Variants in OSBPL10 observed in about 807,000 individuals in gnomAD.
OSBPL10 encodes the protein oxysterol binding protein like 10, also known as oxysterol-binding protein-related protein 10.
In OSBPL10, 49 loss-of-function variants were observed where a neutral mutation model predicts 81.7. That is an observed-to-expected ratio of 0.60 (90% confidence interval 0.48 to 0.76). OSBPL10 has a LOEUF of 0.76. Among genes scored for constraint, OSBPL10 ranks in the 30% least tolerant of loss-of-function variants. The pLI, the probability that OSBPL10 is intolerant of heterozygous loss-of-function variation, is 0.00. For missense variants in OSBPL10, 923 were observed against 987.8 expected (o/e 0.93, Z 0.88); for synonymous variants, 419 against 383.6 (o/e 1.09, Z -1.08).
chr3:31,750,774 T>A (rs1441607599), intron 4 of OSBPL10, among the ~76,000 whole-genome samples: 2 of 152,160 alleles, frequency 1.3e-5, no homozygotes, highest in African/African-American at 4.8e-5. Flanking sequence ...TAAGATTTTA[T>A]TCACCTTAAG....
intron 1 of OSBPL10, among the ~76,000 whole-genome samples, chr3:31,915,905 C>G (rs1159331061): frequency 6.6e-6 from 1 of 151,920 alleles, no homozygotes; most frequent in African/African-American, 2.4e-5. Context: ...ACCAGCCTGA[C>G]CAATACGGCG....
At chr3:31,816,827 T>C (rs534995275) in intron 4 of OSBPL10, among the ~76,000 whole-genome samples, 3 of 152,156 alleles carry the variant, frequency 2.0e-5, no homozygotes, top group Non-Finnish European at 4.4e-5. Flanking sequence ...TTCAGTTCTC[T>C]GCAGAGAGAA....
At chr3:31,886,706 C>G (rs1048292075) in intron 1 of OSBPL10, among the ~76,000 whole-genome samples, 4 of 152,176 alleles carry the variant, frequency 2.6e-5, no homozygotes, top group African/African-American at 4.8e-5. Context: ...CTTTGGGAGG[C>G]TGAGGCGGGC....
intron 3 of OSBPL10, among the ~76,000 whole-genome samples, chr3:31,856,290 A>C (rs1439038427): frequency 6.6e-6 from 1 of 152,202 alleles, no homozygotes; most frequent in Non-Finnish European, 1.5e-5. Context: ...TGTTTTAATA[A>C]AAGCTGTTCT....
chr3:32,035,242 A>G (rs1244193177), intron 2 of OSBPL10, among the ~76,000 whole-genome samples: 1 of 152,176 alleles, frequency 6.6e-6, no homozygotes, highest in East Asian at 1.9e-4. Flanking sequence ...TTATAGAAAA[A>G]ATATAATAAA....
intron 7 of OSBPL10, among the ~76,000 whole-genome samples, chr3:31,692,554 GTAAA>G (rs1226057547): frequency 6.6e-6 from 1 of 151,756 alleles, no homozygotes; most frequent in African/African-American, 2.4e-5. Flanking sequence ...TGACACTTCT[GTAAA>G]CAATCAGTCA....
intron 4 of OSBPL10, among the ~76,000 whole-genome samples, chr3:31,767,540 G>T (rs1324821311): frequency 2.0e-5 from 3 of 151,914 alleles, no homozygotes; most frequent in Non-Finnish European, 4.4e-5. Context: ...CCCTTCCTCA[G>T]TTCTTCATGA....
At chr3:31,951,747 GTATT>G (rs1559529815) in intron 1 of OSBPL10, among the ~76,000 whole-genome samples, 2 of 151,052 alleles carry the variant, frequency 1.3e-5, no homozygotes, top group African/African-American at 4.9e-5. Flanking sequence ...ATTATATGGA[GTATT>G]TATTATTATT....
At chr3:31,804,455 AG>A (rs1377136941) in intron 4 of OSBPL10, among the ~76,000 whole-genome samples, 1 of 152,234 alleles carries the variant, frequency 6.6e-6, no homozygotes, top group African/African-American at 2.4e-5. Flanking sequence ...CCCAGCCTCT[AG>A]GGTAAACAAA....
At position 31,934,239 on chromosome 3, in the gene OSBPL10, C is replaced by T. The variant is rs182474981; in HGVS notation, c.281+46660G>A. On this transcript the variant is annotated intron_variant, in intron 1 of 11. Transcript: ENST00000396556. ...GGTAACAGCTACTCAGGAGGCTGAGCGGGGGAGGATGGCTTGAGCCTAGGA... is the reference window on the plus strand; with the variant it reads ...GGTAACAGCTACTCAGGAGGCTGAGTGGGGGAGGATGGCTTGAGCCTAGGA... 6.0e-3 allele frequency among the ~76,000 whole-genome samples: 911 copies of T among 151,706 alleles called. 5 individuals carry two copies. The highest frequency in any genetic ancestry group is 0.021 in the African/African-American group (874 of 41,328).
intron 4 of OSBPL10, chr3:31,794,727 G>A: frequency 3.4e-6 from 1 of 292,018 alleles, no homozygotes; most frequent in South Asian, 4.5e-5. Flanking sequence ...GGGCAGGGGG[G>A]TCTCCCAAGA....
chr3:31,854,405 C>T (rs1700854394), intron 3 of OSBPL10, among the ~76,000 whole-genome samples: 3 of 152,174 alleles, frequency 2.0e-5, no homozygotes, highest in Admixed American at 2.0e-4. Flanking sequence ...CACTCAGTTC[C>T]TTTGTGGTTA....
At chr3:31,743,973 T>G (rs1454169687) in intron 5 of OSBPL10, among the ~76,000 whole-genome samples, 3 of 152,242 alleles carry the variant, frequency 2.0e-5, no homozygotes, top group Non-Finnish European at 4.4e-5. Context: ...GTATTCTCTA[T>G]TCTCTTATCC....
At chr3:32,056,821 C>T (rs564561577) in intron 1 of OSBPL10, among the ~76,000 whole-genome samples, 2 of 152,212 alleles carry the variant, frequency 1.3e-5, no homozygotes, top group Non-Finnish European at 2.9e-5. Flanking sequence ...GGCTGCATTC[C>T]CAGAAGGTTA....
At position 31,684,086 on chromosome 3, in the gene OSBPL10, T is replaced by C; in HGVS notation, c.1274A>G (p.Lys425Arg). The C allele has an allele frequency of 6.2e-7, 1 of 1,613,972 alleles. No individual in the cohort carries two copies. Among genetic ancestry groups the C allele is most frequent in the Non-Finnish European group, 8.5e-7 (1 of 1,179,850 alleles). ...TGCATACATCTCCAGCAAAGATCGC[T>C]TCTCCAGGATAAAGGTGGGAAGCAC... ...KVVLPTFILE[K>R]RSLLEMYADF... Residue 425 changes from lysine (K) to arginine (R), a missense_variant, in exon 8 of 12, where the codon AAG (lysine) becomes AGG (arginine). Around this residue, in one of 3 missense-constraint regions of OSBPL10, gnomAD observed 22 missense variants for 43.4 expected, o/e 0.51. Transcript: ENST00000396556.
At chr3:31,787,974 TA>T (rs1161741219) in intron 4 of OSBPL10, among the ~76,000 whole-genome samples, 1 of 152,082 alleles carries the variant, frequency 6.6e-6, no homozygotes, top group Non-Finnish European at 1.5e-5. Flanking sequence ...ATATATTAAG[TA>T]AAAAAGAAAG....
At chr3:32,035,625 C>A (rs1699510411) in intron 2 of OSBPL10, among the ~76,000 whole-genome samples, 1 of 149,246 alleles carries the variant, frequency 6.7e-6, no homozygotes. Context: ...GACACTAATT[C>A]TTTAAATAAA....
chr3:31,868,639 GA>G (rs1040350013), intron 3 of OSBPL10, among the ~76,000 whole-genome samples: 4 of 148,388 alleles, frequency 2.7e-5, no homozygotes, highest in East Asian at 2.0e-4. Flanking sequence ...TCCATGTCCA[GA>G]AAAAAAAAAT....
intron 6 of OSBPL10, among the ~76,000 whole-genome samples, chr3:31,721,864 T>C (rs1287045364): frequency 6.6e-6 from 1 of 152,160 alleles, no homozygotes; most frequent in African/African-American, 2.4e-5. Context: ...TCACATAATG[T>C]TTATAACATT....
Sources: gnomAD v4.1 joint callset for allele counts (sites outside exome capture counted in the v4.1 genomes callset) on GRCh38, gnomAD v4.1.1 for gene constraint, gnomAD v4.1.1 regional missense constraint, MANE v1.5 for transcripts, NCBI Gene and HGNC (gene_info 2026-07-23, HGNC 2026-07-21) for gene names.